RBFOX1: variants seen among roughly 807,000 people sequenced by gnomAD.
RBFOX1 encodes the protein RNA binding protein fox-1 homolog 1.
A neutral mutation model predicts 57.7 loss-of-function variants in RBFOX1; 8 were observed. The ratio of observed to expected loss-of-function variants is 0.14; its 90% CI spans 0.08 to 0.25. The LOEUF is 0.25. Among genes scored for constraint, RBFOX1 ranks in the 10% least tolerant of loss-of-function variants. RBFOX1 has a pLI of 1.00. For missense variants in RBFOX1, 611 were observed against 548.5 expected, an observed-to-expected ratio of 1.11 and a Z score of -1.14; for synonymous variants, 326 against 222.4, an observed-to-expected ratio of 1.47 and a Z score of -4.15.
At chr16:5,413,301 C>T (rs188966943) in intron 1 of RBFOX1, among the ~76,000 whole-genome samples, 2 of 152,290 alleles carry the variant, frequency 1.3e-5, no homozygotes, top group African/African-American at 4.8e-5. Context: ...AGCACCATGG[C>T]CCTTTTTCTT....
intron 3 of RBFOX1, among the ~76,000 whole-genome samples, chr16:6,884,399 C>T (rs963339915): frequency 1.3e-5 from 2 of 152,182 alleles, no homozygotes; most frequent in African/African-American, 4.8e-5. Flanking sequence ...CAAGCAACCA[C>T]TTGTCTACAA....
At chr16:6,658,756 G>A (rs368670618) in intron 3 of RBFOX1, among the ~76,000 whole-genome samples, 2 of 151,934 alleles carry the variant, frequency 1.3e-5, no homozygotes, top group Admixed American at 1.3e-4. Flanking sequence ...TTTTTCTTTC[G>A]CTTCCAAGCC....
At chr16:7,559,184 C>T (rs972247163) in intron 5 of RBFOX1, among the ~76,000 whole-genome samples, 1 of 152,156 alleles carries the variant, frequency 6.6e-6, no homozygotes, top group South Asian at 2.1e-4. Context: ...GGTTTGTAAT[C>T]TCAAATTCAA....
chr16:6,602,079 T>A (rs1296576554), intron 2 of RBFOX1, among the ~76,000 whole-genome samples: 2 of 152,196 alleles, frequency 1.3e-5, no homozygotes, highest in East Asian at 3.9e-4. Context: ...CCATTATTCA[T>A]TTATTCCCTA....
intron 3 of RBFOX1, among the ~76,000 whole-genome samples, chr16:5,840,489 A>C (rs2056592318): frequency 6.6e-6 from 1 of 152,168 alleles, no homozygotes; most frequent in Non-Finnish European, 1.5e-5. Context: ...ACCTGGCTCT[A>C]CACCTCTCCT....
At chr16:7,519,307 T>C (rs760460548) in intron 5 of RBFOX1, among the ~76,000 whole-genome samples, 7 of 152,164 alleles carry the variant, frequency 4.6e-5, no homozygotes, top group South Asian at 2.1e-4. Context: ...GGTTTCTTCA[T>C]TTTTATTGCT....
chr16:7,330,998 G>T (rs1207998737), intron 4 of RBFOX1, among the ~76,000 whole-genome samples: 1 of 152,138 alleles, frequency 6.6e-6, no homozygotes, highest in Non-Finnish European at 1.5e-5. Context: ...GCTGTTATGG[G>T]AGCTTTTTGA....
chr16:7,518,206 G>A lies in RBFOX1; in HGVS notation c.87G>A (p.Gln29=). ...DTMAQPYASA[Q]FAPPQNGIPA... The stretch of plus-strand genomic sequence containing the variant: ...TGGCTCAGCCTTACGCTTCGGCCCA[G>A]TTTGCTCCCCCGCAGAACGGTATCC... The change falls in exon 5 of 16, where the codon CAG becomes CAA. Residue 29 remains glutamine, a synonymous_variant. Transcript: ENST00000550418. The A allele has an allele frequency of 6.2e-7, 1 of 1,614,056 alleles. No individual in the cohort carries two copies. Among genetic ancestry groups the A allele is most frequent in the African/African-American group, 1.3e-5 (1 of 75,004 alleles).
intron 4 of RBFOX1, among the ~76,000 whole-genome samples, chr16:5,908,923 C>A (rs1056460048): frequency 2.0e-5 from 3 of 151,986 alleles, no homozygotes; most frequent in African/African-American, 7.3e-5. Context: ...CAGCAAGAAG[C>A]TGGCTGTCTG....
chr16:5,537,529 T>A (rs1265926993), intron 2 of RBFOX1, among the ~76,000 whole-genome samples: 1 of 152,218 alleles, frequency 6.6e-6, no homozygotes, highest in African/African-American at 2.4e-5. Flanking sequence ...GGAATCTGTT[T>A]CCTTGCTTAT....
intron 2 of RBFOX1, among the ~76,000 whole-genome samples, chr16:6,348,612 A>G (rs932136190): frequency 5.9e-5 from 9 of 152,174 alleles, no homozygotes; most frequent in Admixed American, 4.6e-4. Flanking sequence ...GGGAGGCCTC[A>G]GGGAGCTTTT....
chr16:6,392,043 G>C (rs1205549047), intron 2 of RBFOX1, among the ~76,000 whole-genome samples: 1 of 152,180 alleles, frequency 6.6e-6, no homozygotes, highest in Non-Finnish European at 1.5e-5. Context: ...TCTATACTAA[G>C]AGGAAACCGT....
chr16:5,739,474 A>G (rs1057059633), intron 3 of RBFOX1, among the ~76,000 whole-genome samples: 1 of 152,238 alleles, frequency 6.6e-6, no homozygotes, highest in African/African-American at 2.4e-5. Context: ...GAAGGTGGTA[A>G]TGTTCGGGAG....
At chr16:6,510,924 C>T (rs1012660424) in intron 2 of RBFOX1, among the ~76,000 whole-genome samples, 5 of 151,794 alleles carry the variant, frequency 3.3e-5, no homozygotes, top group African/African-American at 1.2e-4. Flanking sequence ...TAATTTTAAG[C>T]ATGAAAGACA....
intron 4 of RBFOX1, among the ~76,000 whole-genome samples, chr16:7,056,069 G>C (rs1303042303): frequency 1.3e-5 from 2 of 152,100 alleles, no homozygotes; most frequent in South Asian, 2.1e-4. Flanking sequence ...ACTGGATATA[G>C]TCTTTGGTCA....
intron 2 of RBFOX1, among the ~76,000 whole-genome samples, chr16:5,581,531 G>T (rs1439374564): frequency 6.6e-6 from 1 of 152,194 alleles, no homozygotes; most frequent in Non-Finnish European, 1.5e-5. Flanking sequence ...GCTTTAGGAA[G>T]TGTCACAGGG....
chr16:6,932,713 G>C (rs2076762946), intron 3 of RBFOX1, among the ~76,000 whole-genome samples: 1 of 152,064 alleles, frequency 6.6e-6, no homozygotes, highest in African/African-American at 2.4e-5. Flanking sequence ...ATCTCTTTCT[G>C]TTAAATTTGT....
At chr16:5,924,438 A>G (rs898715549) in intron 4 of RBFOX1, among the ~76,000 whole-genome samples, 1 of 152,142 alleles carries the variant, frequency 6.6e-6, no homozygotes, top group Admixed American at 6.5e-5. Flanking sequence ...TGGCAGGGGA[A>G]TGCGATTGGT....
intron 4 of RBFOX1, among the ~76,000 whole-genome samples, chr16:7,261,973 T>C (rs1295915136): frequency 6.6e-6 from 1 of 152,240 alleles, no homozygotes; most frequent in Admixed American, 6.5e-5. Context: ...TGTTGTTAAA[T>C]CATCCTAACT....
Sources: gnomAD v4.1 joint callset for allele counts (sites outside exome capture counted in the v4.1 genomes callset) on GRCh38, gnomAD v4.1.1 for gene constraint, MANE v1.5 for transcripts, NCBI Gene and HGNC (gene_info 2026-07-23, HGNC 2026-07-21) for gene names.